CUBN: variants seen among roughly 807,000 people sequenced by gnomAD.
CUBN encodes the protein cubilin.
CUBN carries 282 observed loss-of-function variants against 405.3 expected under a neutral mutation model. The ratio of observed to expected loss-of-function variants is 0.70; its 90% CI spans 0.63 to 0.77. The LOEUF is 0.77. CUBN is among the 30% of genes least tolerant of loss of function. The pLI, the probability that CUBN is intolerant of heterozygous loss-of-function variation, is 0.00. For missense variants in CUBN, 4,514 were observed against 4,475.2 expected (o/e 1.01, Z -0.25); for synonymous variants, 1,684 against 1,617.0 (o/e 1.04, Z -0.99).
chr10:17,053,201 T>C (rs1447580192), intron 22 of CUBN, among the ~76,000 whole-genome samples: 2 of 151,984 alleles, frequency 1.3e-5, no homozygotes, highest in Non-Finnish European at 2.9e-5. Flanking sequence ...ACAACTACCA[T>C]AATGGTATGT....
intron 59 of CUBN, among the ~76,000 whole-genome samples, chr10:16,856,060 A>T (rs12268227): frequency 0.093 from 14,112 of 152,104 alleles, 2,182 homozygotes; most frequent in African/African-American, 0.32. Context: ...ATGGTGGGGG[A>T]ATATAAACAA....
chr10:16,914,905 G>T (rs1588645619), intron 47 of CUBN, 127 bp downstream of exon 47: 2 of 828,214 alleles, frequency 2.4e-6, no homozygotes, highest in East Asian at 2.7e-5. Context: ...GTGAATTTCT[G>T]ATTAAGGTCC....
chr10:17,017,977 C>G (rs867362745), intron 28 of CUBN, among the ~76,000 whole-genome samples: 7 of 152,136 alleles, frequency 4.6e-5, no homozygotes, highest in African/African-American at 1.4e-4. Context: ...CAGGGCCAAC[C>G]AACTTGTTGT....
chr10:16,977,515 C>T (rs1193628796), intron 31 of CUBN, among the ~76,000 whole-genome samples: 2 of 152,136 alleles, frequency 1.3e-5, no homozygotes, highest in Non-Finnish European at 2.9e-5. Context: ...CTTCCCTTTC[C>T]ACCCCCTTTC....
chr10:17,043,695 A>G (rs1317824507), intron 26 of CUBN, 132 bp downstream of exon 26: 2 of 1,255,816 alleles, frequency 1.6e-6, no homozygotes. Flanking sequence ...TTGTTTCAAG[A>G]ATTTGAAGGC....
At position 16,850,010 on chromosome 10, in the gene CUBN, A is replaced by T. The variant is rs551255556; in HGVS notation, c.9663+1225T>A. On this transcript the variant is annotated intron_variant, in intron 60 of 66. Transcript: ENST00000377833. ...CTTTAGCACTATTCTGCTTCAACAC[A>T]GCCAGCCTCTTTACGCTTTCGAGAA... Among the ~76,000 whole-genome samples the T allele has an allele frequency of 1.2e-4, 19 of 152,318 alleles. No homozygotes were observed. The South Asian group carries it at 2.9e-3, about 23-fold the overall frequency.
chr10:16,836,580 G>A (rs551777259), intron 62 of CUBN, among the ~76,000 whole-genome samples, 198 bp from the exon 63 acceptor site: 1 of 152,362 alleles, frequency 6.6e-6, no homozygotes, highest in East Asian at 1.9e-4. Flanking sequence ...AGGGGCAGGA[G>A]GAAGGGAGGC....
At position 16,937,637 on chromosome 10, in the gene CUBN, A is replaced by G; in HGVS notation, c.5881T>C (p.Phe1961Leu). Residue 1961 changes from phenylalanine to leucine, a missense_variant, in exon 39 of 67, where the codon TTT (phenylalanine) becomes CTT (leucine). Physicochemically the swap from Phe to Leu is conservative, Grantham distance 22. This residue lies in a region of CUBN where 1,613 missense variants were observed against 1,542.8 expected (regional missense o/e 1.05). Transcript: ENST00000377833. ...ISGKGFLLEWFAVDAPDGVLP... is the reference protein window; with the variant it reads ...ISGKGFLLEWLAVDAPDGVLP... ...ACACCATCAGGTGCATCCACTGCAA[A>G]CCACTCCAGAAGGAATCCCTTCCCT... is the stretch of plus-strand genomic sequence containing the variant. 1.2e-6 allele frequency: 2 copies of G among 1,614,048 alleles called. No individual in the cohort carries two copies. Among genetic ancestry groups the G allele is most frequent in the South Asian group, 2.2e-5 (2 of 91,082 alleles).
At chr10:17,104,693 T>C (rs1368668641) in intron 11 of CUBN, 88 bp from the exon 12 acceptor site, 2 of 628,356 alleles carry the variant, frequency 3.2e-6, no homozygotes, top group African/African-American at 1.9e-5. Context: ...TGTAGTGCCA[T>C]GGAGATATAT....
intron 31 of CUBN, among the ~76,000 whole-genome samples, chr10:16,969,870 C>T (rs1843503415): frequency 2.0e-5 from 3 of 152,176 alleles, no homozygotes; most frequent in African/African-American, 4.8e-5. Context: ...AGCCTGGTGG[C>T]TGCCTGAGGT....
chr10:16,941,579 C>T (rs1374462012), intron 36 of CUBN, among the ~76,000 whole-genome samples: 2 of 152,112 alleles, frequency 1.3e-5, no homozygotes, highest in Non-Finnish European at 2.9e-5. Flanking sequence ...TGTGGTAGCT[C>T]ACAACCATAA....
intron 56 of CUBN, among the ~76,000 whole-genome samples, chr10:16,879,650 G>A (rs1016824188): frequency 6.6e-6 from 1 of 152,164 alleles, no homozygotes; most frequent in African/African-American, 2.4e-5. Context: ...AGGTGGGTGT[G>A]TGACCCAATC....
chr10:16,885,618 A>G (rs796824138), intron 56 of CUBN, among the ~76,000 whole-genome samples: 4 of 128,820 alleles, frequency 3.1e-5, no homozygotes, highest in African/African-American at 1.2e-4. Context: ...ATACTGAGAT[A>G]TTCCAGGGCT....
chr10:16,936,025 C>T (rs912619493), intron 39 of CUBN, among the ~76,000 whole-genome samples: 6 of 151,858 alleles, frequency 4.0e-5, no homozygotes, highest in African/African-American at 1.5e-4. Context: ...ATCACTTATG[C>T]CATCTAGATA....
At chr10:16,832,539 G>A (rs1419219710) in intron 64 of CUBN, among the ~76,000 whole-genome samples, 1 of 152,168 alleles carries the variant, frequency 6.6e-6, no homozygotes, top group Non-Finnish European at 1.5e-5. Context: ...TAGTAGATGG[G>A]AGGGCTGCCA....
chr10:16,865,833 T>C lies in CUBN; in HGVS notation c.9454+3803A>G, dbSNP rs111362833. ...GCGGAAGTTTTGTTTTTTTGCTCTT[T>C]ACAATAAACCCTGCTACCGCTCACT... On this transcript the variant is annotated intron_variant, in intron 59 of 66. Transcript: ENST00000377833. 8.1e-3 allele frequency among the ~76,000 whole-genome samples: 1,238 copies of C among 152,222 alleles called. 13 individuals are homozygous for C. The highest frequency in any genetic ancestry group is 0.028 in the African/African-American group (1,147 of 41,530).
chr10:16,965,901 G>T, intron 31 of CUBN: 1 of 458,674 alleles, frequency 2.2e-6, no homozygotes. Flanking sequence ...TACATGACTT[G>T]CCCAATCACA....
intron 22 of CUBN, among the ~76,000 whole-genome samples, chr10:17,048,570 C>T (rs550676330): frequency 5.9e-5 from 9 of 151,886 alleles, no homozygotes; most frequent in African/African-American, 2.2e-4. Flanking sequence ...CTCTGCCCCC[C>T]GAGTTCAAGC....
chr10:16,892,032 TC>T (rs1318872646), intron 54 of CUBN, among the ~76,000 whole-genome samples: 1 of 152,154 alleles, frequency 6.6e-6, no homozygotes, highest in Non-Finnish European at 1.5e-5. Context: ...ACACATCTCT[TC>T]TCAAGGATAT....
Sources: gnomAD v4.1 joint callset for allele counts (sites outside exome capture counted in the v4.1 genomes callset) on GRCh38, gnomAD v4.1.1 for gene constraint, gnomAD v4.1.1 regional missense constraint, MANE v1.5 for transcripts, NCBI Gene and HGNC (gene_info 2026-07-23, HGNC 2026-07-21) for gene names.